SYT9: variants seen among roughly 807,000 people sequenced by gnomAD.
SYT9 encodes the protein synaptotagmin-9.
SYT9 carries 22 observed loss-of-function variants against 48.4 expected under a neutral mutation model. The observed-to-expected ratio is 0.45, with a 90% CI of 0.32 to 0.65. The LOEUF is 0.65. Ranked by LOEUF, SYT9 falls within the 30% of genes least tolerant of loss-of-function variation. SYT9 has a pLI of 0.03. For missense variants in SYT9, 577 were observed against 622.0 expected, an observed-to-expected ratio of 0.93 and a Z score of 0.77; for synonymous variants, 265 against 245.0, an observed-to-expected ratio of 1.08 and a Z score of -0.76.
chr11:7,313,854 C>A lies in SYT9; in HGVS notation c.957C>A (p.Ile319=). The change falls in exon 3 of 7, where the codon ATC becomes ATA. Residue 319 remains isoleucine, a synonymous_variant. Coordinates refer to ENST00000318881, the MANE Select transcript of SYT9 (RefSeq NM_175733.4). The part of the protein sequence containing the change: ...DFDRFSRHDL[I]GQVVVDHFLD... The stretch of plus-strand genomic sequence containing the variant: ...ACAGGTTCTCTCGTCATGACTTAAT[C>A]GGCCAAGTGGTGGTGGATCACTTCC... The A allele has an allele frequency of 6.2e-7, 1 of 1,614,186 alleles. No homozygotes were observed. The highest frequency in any genetic ancestry group is 1.1e-5 in the South Asian group (1 of 91,082).
At chr11:7,253,665 A>G (rs1329741268) in intron 1 of SYT9, among the ~76,000 whole-genome samples, 1 of 152,210 alleles carries the variant, frequency 6.6e-6, no homozygotes, top group Non-Finnish European at 1.5e-5. Context: ...TCATTGATAT[A>G]TTACTTCAAA....
chr11:7,371,785 G>C (rs138242077), intron 3 of SYT9, among the ~76,000 whole-genome samples: 6 of 152,120 alleles, frequency 3.9e-5, no homozygotes, highest in Non-Finnish European at 7.4e-5. Flanking sequence ...TTTGTTCAGC[G>C]TAATGCCTTT....
At chr11:7,431,369 G>T (rs1367853436) in intron 6 of SYT9, among the ~76,000 whole-genome samples, 1 of 152,188 alleles carries the variant, frequency 6.6e-6, no homozygotes, top group Non-Finnish European at 1.5e-5. Context: ...CCTAAGAAAT[G>T]ACTTAAAGTT....
At chr11:7,254,161 G>A (rs144935545) in intron 1 of SYT9, among the ~76,000 whole-genome samples, 1 of 152,200 alleles carries the variant, frequency 6.6e-6, no homozygotes, top group East Asian at 1.9e-4. Flanking sequence ...TGATTCCTTG[G>A]CGGAGGAATA....
At chr11:7,258,546 T>C (rs1246413670) in intron 1 of SYT9, among the ~76,000 whole-genome samples, 5 of 152,014 alleles carry the variant, frequency 3.3e-5, no homozygotes, top group Non-Finnish European at 7.4e-5. Flanking sequence ...TCAACATTGA[T>C]AGAACTGCAC....
chr11:7,371,861 C>T (rs992470893), intron 3 of SYT9, among the ~76,000 whole-genome samples: 1 of 152,132 alleles, frequency 6.6e-6, no homozygotes, highest in African/African-American at 2.4e-5. Context: ...TAATATTACC[C>T]TGTATGAATA....
At chr11:7,285,116 A>G (rs562475735) in intron 1 of SYT9, among the ~76,000 whole-genome samples, 3 of 152,218 alleles carry the variant, frequency 2.0e-5, no homozygotes, top group South Asian at 2.1e-4. Flanking sequence ...TACCTATTTC[A>G]TAGGAATTTG....
At chr11:7,298,657 C>CT (rs10628508) in intron 1 of SYT9, among the ~76,000 whole-genome samples, 2,679 of 150,444 alleles carry the variant, frequency 0.018, 66 homozygotes, top group African/African-American at 0.062. Flanking sequence ...TACAGGTCCA[C>CT]TTTTTTTTTA....
intron 6 of SYT9, among the ~76,000 whole-genome samples, chr11:7,441,899 C>T (rs1315508673): frequency 6.6e-6 from 1 of 152,108 alleles, no homozygotes; most frequent in Non-Finnish European, 1.5e-5. Context: ...AAAACACCAT[C>T]CCCTTCTCCC....
At chr11:7,246,978 G>T (rs917264063), upstream of SYT9, among the ~76,000 whole-genome samples, 4 of 152,222 alleles carry the variant, frequency 2.6e-5, no homozygotes, top group Non-Finnish European at 5.9e-5. Flanking sequence ...GGAAGTCCAA[G>T]CTCAAGGTTG....
chr11:7,336,440 C>T (rs1242847393), intron 3 of SYT9, among the ~76,000 whole-genome samples: 2 of 152,136 alleles, frequency 1.3e-5, no homozygotes, highest in African/African-American at 4.8e-5. Context: ...ATGGTATTGC[C>T]TAGGTTGTAT....
chr11:7,301,865 C>T (rs1848926126), intron 1 of SYT9, among the ~76,000 whole-genome samples: 1 of 152,162 alleles, frequency 6.6e-6, no homozygotes, highest in Admixed American at 6.5e-5. Context: ...GATTGATGCT[C>T]AGCCTCCTTG....
Position 7,303,386 on chromosome 11 carries a change from G to A in SYT9, c.493G>A (p.Ala165Thr). The change falls in exon 2 of 7, where the codon GCC (alanine) becomes ACC (threonine). Residue 165 changes from alanine to threonine, a missense_variant. Coordinates refer to ENST00000318881, the MANE Select transcript of SYT9 (RefSeq NM_175733.4). ...CCAAGTCACAGAGCCAACCTCGTCG[G>A]CCCGGTCAGTAATGCCTTCTCCTTT... is the stretch of plus-strand genomic sequence containing the variant. ...QRQVTEPTSS[A>T]RHNSIRRQLN... 6.2e-7 allele frequency: 1 copy of A among 1,604,340 alleles called. No individual in the cohort carries two copies. The highest frequency in any genetic ancestry group is 8.5e-7 in the Non-Finnish European group (1 of 1,176,716).
upstream of SYT9, among the ~76,000 whole-genome samples, chr11:7,247,492 C>CAT (rs199559861): frequency 0.014 from 2,106 of 149,234 alleles, 34 homozygotes; most frequent in East Asian, 0.077. Context: ...TATACACACA[C>CAT]ATATATATAC....
chr11:7,455,987 G>A (rs12789355), intron 6 of SYT9, among the ~76,000 whole-genome samples: 1 of 152,120 alleles, frequency 6.6e-6, no homozygotes, highest in Non-Finnish European at 1.5e-5. Flanking sequence ...TTCATTTTAG[G>A]TGCCACCTCC....
chr11:7,332,150 G>A (rs769995228), intron 3 of SYT9, among the ~76,000 whole-genome samples: 2 of 152,156 alleles, frequency 1.3e-5, no homozygotes, highest in Non-Finnish European at 2.9e-5. Context: ...GGGAGAGAGC[G>A]AGGCAAAGGT....
intron 3 of SYT9, among the ~76,000 whole-genome samples, chr11:7,369,618 C>T (rs1850319080): frequency 6.6e-6 from 1 of 151,938 alleles, no homozygotes; most frequent in African/African-American, 2.4e-5. Flanking sequence ...TTGGGTTTTA[C>T]ATTTGTCTTT....
intron 6 of SYT9, among the ~76,000 whole-genome samples, chr11:7,465,196 C>T (rs1848310013): frequency 6.6e-6 from 1 of 152,166 alleles, no homozygotes; most frequent in African/African-American, 2.4e-5. Flanking sequence ...GTCTTTCTTC[C>T]TAGACACAGA....
intron 6 of SYT9, among the ~76,000 whole-genome samples, chr11:7,455,588 C>T (rs1848136830): frequency 6.6e-6 from 1 of 152,092 alleles, no homozygotes; most frequent in African/African-American, 2.4e-5. Flanking sequence ...GATCCACCCA[C>T]CTCGGCCTCC....
Sources: allele counts gnomAD v4.1 joint callset (sites outside exome capture counted in the v4.1 genomes callset), GRCh38; gene constraint gnomAD v4.1.1; transcripts MANE v1.5; gene names NCBI Gene and HGNC (gene_info 2026-07-23, HGNC 2026-07-21).